Variants in PAMR1 observed in about 807,000 individuals in gnomAD.
The protein encoded by PAMR1 is peptidase domain containing associated with muscle regeneration 1.
A neutral mutation model predicts 81.8 loss-of-function variants in PAMR1; 88 were observed. The observed-to-expected ratio is 1.08, with a 90% confidence interval of 0.91 to 1.28. The LOEUF is 1.28. PAMR1 is among the 50% of genes most tolerant of loss of function. The pLI, the probability that PAMR1 is intolerant of heterozygous loss-of-function variation, is 0.00. For missense variants in PAMR1, 935 were observed against 919.7 expected, an observed-to-expected ratio of 1.02 and a Z score of -0.21; for synonymous variants, 336 against 345.3, an observed-to-expected ratio of 0.97 and a Z score of 0.30.
chr11:35,525,743 A>C, upstream of PAMR1: 1 of 647,510 alleles, frequency 1.5e-6, no homozygotes, highest in South Asian at 1.8e-5. Flanking sequence ...TCTGAGGGGA[A>C]CCACCTTCAG....
At chr11:35,465,162 A>G (rs910867217) in intron 6 of PAMR1, among the ~76,000 whole-genome samples, 29 of 152,196 alleles carry the variant, frequency 1.9e-4, no homozygotes, top group African/African-American at 6.8e-4. Flanking sequence ...CAAATCACTC[A>G]TTTGCAAAAC....
In PAMR1 at chr11:35,434,616, C is replaced by T. The variant is rs771944611; in HGVS notation, c.1522G>A (p.Asp508Asn). The T allele has an allele frequency of 1.9e-6, 3 of 1,614,106 alleles. No individual in the cohort carries two copies. ...TVVVAAHCVT[D>N]LGKVTMIKTA... ...TTGATCATGGTGACCTTCCCCAGGT[C>T]AGTAACACAGTGGGCAGCCACCACC... Residue 508 changes from aspartate to asparagine, a missense_variant, in exon 10 of 11, where the codon GAC becomes AAC. Asp to Asn is a conservative substitution (Grantham distance 23, BLOSUM62 1). Coordinates refer to ENST00000619888, the MANE Select transcript of PAMR1 (RefSeq NM_001001991.3).
At chr11:35,525,097 CCT>C (rs971308859) in intron 1 of PAMR1, among the ~76,000 whole-genome samples, 13 of 152,274 alleles carry the variant, frequency 8.5e-5, no homozygotes, top group African/African-American at 3.1e-4. Context: ...TCTTTCTTTC[CCT>C]CTCTTCTTTC....
chr11:35,497,453 TAC>T (rs1383259530), intron 1 of PAMR1, among the ~76,000 whole-genome samples: 1 of 152,206 alleles, frequency 6.6e-6, no homozygotes, highest in Non-Finnish European at 1.5e-5. Context: ...GCTTGATGGT[TAC>T]AGAGTTTCTG....
At chr11:35,514,213 T>G (rs1023505745) in intron 1 of PAMR1, among the ~76,000 whole-genome samples, 8 of 152,096 alleles carry the variant, frequency 5.3e-5, no homozygotes, top group African/African-American at 1.9e-4. Context: ...ACAATGAGCA[T>G]AAAGGGTTTT....
intron 1 of PAMR1, among the ~76,000 whole-genome samples, chr11:35,498,361 G>A (rs1453715986): frequency 6.6e-6 from 1 of 152,126 alleles, no homozygotes; most frequent in Non-Finnish European, 1.5e-5. Flanking sequence ...GCAAAGCTAC[G>A]TTACTCTCTC....
At chr11:35,451,744 A>AT (rs1856421868) in intron 6 of PAMR1, 1 of 507,644 alleles carries the variant, frequency 2.0e-6, no homozygotes, top group South Asian at 3.0e-5. Context: ...GATGTGGGGC[A>AT]TTTGGGAGTA....
intron 6 of PAMR1, among the ~76,000 whole-genome samples, chr11:35,460,331 A>G (rs1182462369): frequency 6.9e-6 from 1 of 145,486 alleles, no homozygotes; most frequent in Non-Finnish European, 1.5e-5. Context: ...TTTTTTATAT[A>G]CTTTTTTTCT....
At chr11:35,515,045 T>G (rs1316541167) in intron 1 of PAMR1, among the ~76,000 whole-genome samples, 1 of 152,178 alleles carries the variant, frequency 6.6e-6, no homozygotes. Flanking sequence ...ATTCAACAAA[T>G]ATTATATCAA....
intron 3 of PAMR1, among the ~76,000 whole-genome samples, chr11:35,476,505 G>A (rs749752228): frequency 2.6e-5 from 4 of 152,088 alleles, no homozygotes; most frequent in African/African-American, 7.2e-5. Flanking sequence ...AGAAGGACGC[G>A]TTTGCTTCCC....
chr11:35,450,182 A>T (rs946886451), intron 6 of PAMR1, among the ~76,000 whole-genome samples: 1 of 149,852 alleles, frequency 6.7e-6, no homozygotes, highest in African/African-American at 2.5e-5. Flanking sequence ...TAACACCTCT[A>T]AAATATTTGA....
chr11:35,490,606 G>C (rs574166186), intron 3 of PAMR1, among the ~76,000 whole-genome samples: 1 of 152,222 alleles, frequency 6.6e-6, no homozygotes, highest in Non-Finnish European at 1.5e-5. Flanking sequence ...GGGCAACATA[G>C]TAGGACCCCA....
At chr11:35,449,071 G>A (rs1856356797) in intron 6 of PAMR1, among the ~76,000 whole-genome samples, 1 of 152,230 alleles carries the variant, frequency 6.6e-6, no homozygotes, top group Non-Finnish European at 1.5e-5. Flanking sequence ...TCTCCTGTAT[G>A]AGGTGTCTGG....
At chr11:35,465,098 T>C (rs1170266268) in intron 6 of PAMR1, among the ~76,000 whole-genome samples, 1 of 152,144 alleles carries the variant, frequency 6.6e-6, no homozygotes, top group African/African-American at 2.4e-5. Flanking sequence ...AAATGTGAAA[T>C]TATGGCCTCT....
chr11:35,480,948 T>C (rs1262320758), intron 3 of PAMR1, among the ~76,000 whole-genome samples: 2 of 152,176 alleles, frequency 1.3e-5, no homozygotes, highest in East Asian at 3.8e-4. Flanking sequence ...AGTGAGAACA[T>C]GTGGTGGTTG....
intron 6 of PAMR1, among the ~76,000 whole-genome samples, chr11:35,452,713 A>G (rs1856443420): frequency 6.6e-6 from 1 of 152,190 alleles, no homozygotes; most frequent in Non-Finnish European, 1.5e-5. Flanking sequence ...TTAAGTACCT[A>G]TCAAGCAAAA....
chr11:35,511,578 C>T (rs1188261122), intron 1 of PAMR1, among the ~76,000 whole-genome samples: 1 of 152,190 alleles, frequency 6.6e-6, no homozygotes, highest in Non-Finnish European at 1.5e-5. Context: ...CCAAAAGCCC[C>T]ACAGCTCTCC....
At chr11:35,525,693 G>C (rs1224320627), upstream of PAMR1, 2 of 882,874 alleles carry the variant, frequency 2.3e-6, no homozygotes, top group Non-Finnish European at 3.6e-6. Context: ...CCAGCTGAGC[G>C]GGAGCTCGGG....
At chr11:35,495,631 A>C (rs1366690567) in intron 1 of PAMR1, among the ~76,000 whole-genome samples, 1 of 152,200 alleles carries the variant, frequency 6.6e-6, no homozygotes, top group African/African-American at 2.4e-5. Context: ...CTTCCCAAGA[A>C]ACTCCAGGCA....
Sources: gnomAD v4.1 joint callset for allele counts (sites outside exome capture counted in the v4.1 genomes callset) on GRCh38, gnomAD v4.1.1 for gene constraint, MANE v1.5 for transcripts, NCBI Gene and HGNC (gene_info 2026-07-23, HGNC 2026-07-21) for gene names.